The following WWOX variants were observed in gnomAD, a reference collection of about 807,000 sequenced individuals.
WWOX encodes WW domain containing oxidoreductase.
Under a neutral mutation model 46.2 loss-of-function variants are expected in WWOX, and 69 were observed. The ratio of observed to expected loss-of-function variants is 1.49; its 90% CI spans 1.23 to 1.82. The LOEUF (loss-of-function observed/expected upper bound fraction) is 1.82. Among genes scored for constraint, WWOX ranks in the 40% most tolerant of loss-of-function variants. The probability of loss-of-function intolerance (pLI) is 0.00; values close to 1 mark genes in which losing one functional copy is unlikely to be tolerated. For missense variants in WWOX, 919 were observed against 542.6 expected (o/e 1.69, Z -6.89); for synonymous variants, 359 against 202.6 (o/e 1.77, Z -6.56).
At chr16:78,214,253 G>A (rs1441372793) in intron 5 of WWOX, among the ~76,000 whole-genome samples, 1 of 152,102 alleles carries the variant, frequency 6.6e-6, no homozygotes, top group African/African-American at 2.4e-5. Context: ...CAGACCGAGG[G>A]GTCCTAGTTC....
chr16:79,153,373 C>T (rs982097514), intron 8 of WWOX, among the ~76,000 whole-genome samples: 1 of 152,170 alleles, frequency 6.6e-6, no homozygotes, highest in Non-Finnish European at 1.5e-5. Flanking sequence ...CCAAGCAGAG[C>T]CCTCCTCTGC....
At chr16:78,403,224 G>A (rs898899487) in intron 6 of WWOX, among the ~76,000 whole-genome samples, 4 of 152,158 alleles carry the variant, frequency 2.6e-5, no homozygotes, top group African/African-American at 9.7e-5. Context: ...TTTGTAAGTT[G>A]TAAGTTGTAA....
At chr16:78,222,404 C>G (rs2036918190) in intron 5 of WWOX, among the ~76,000 whole-genome samples, 1 of 151,708 alleles carries the variant, frequency 6.6e-6, no homozygotes, top group African/African-American at 2.4e-5. Flanking sequence ...TTGGGACAAC[C>G]TGTGCCCACA....
At chr16:79,085,699 C>T (rs1308167989) in intron 8 of WWOX, among the ~76,000 whole-genome samples, 2 of 151,992 alleles carry the variant, frequency 1.3e-5, no homozygotes, top group Non-Finnish European at 2.9e-5. Flanking sequence ...CATTTTATTC[C>T]TTACCAAAAC....
At chr16:78,622,321 T>C (rs368852024) in intron 8 of WWOX, among the ~76,000 whole-genome samples, 1 of 152,142 alleles carries the variant, frequency 6.6e-6, no homozygotes, top group South Asian at 2.1e-4. Flanking sequence ...GGCAGGCAGA[T>C]CACCTGAGGT....
intron 3 of WWOX, among the ~76,000 whole-genome samples, chr16:78,111,445 G>C (rs1347526435): frequency 6.6e-6 from 1 of 152,212 alleles, no homozygotes; most frequent in Admixed American, 6.5e-5. Flanking sequence ...ATTGTGAGAA[G>C]TGACCTAGAA....
chr16:79,044,399 G>A (rs891227511), intron 8 of WWOX, among the ~76,000 whole-genome samples: 2 of 152,138 alleles, frequency 1.3e-5, no homozygotes, highest in Non-Finnish European at 2.9e-5. Flanking sequence ...CTCATGAATG[G>A]TTTACCACCA....
chr16:78,148,608 G>A (rs2034288995), intron 4 of WWOX, among the ~76,000 whole-genome samples: 1 of 151,888 alleles, frequency 6.6e-6, no homozygotes, highest in Admixed American at 6.6e-5. Context: ...TTATAAAAGT[G>A]CCATGTTGGC....
chr16:78,682,573 A>G (rs954984935), intron 8 of WWOX, among the ~76,000 whole-genome samples: 11 of 152,074 alleles, frequency 7.2e-5, no homozygotes, highest in Non-Finnish European at 1.6e-4. Flanking sequence ...ATAGAGCGAG[A>G]CCCTGTCTCT....
At chr16:78,314,264 C>G (rs571419739) in intron 5 of WWOX, among the ~76,000 whole-genome samples, 2 of 151,496 alleles carry the variant, frequency 1.3e-5, no homozygotes, top group South Asian at 4.2e-4. Flanking sequence ...AAAAATTAGC[C>G]AGGCATGGTG....
chr16:78,168,545 G>A (rs2035050809), intron 5 of WWOX: 1 of 151,662 alleles, frequency 6.6e-6, no homozygotes, highest in Non-Finnish European at 1.5e-5. Context: ...CTCCTTGCTT[G>A]GTCCATCTGG....
At chr16:78,718,676 C>G (rs1340210218) in intron 8 of WWOX, among the ~76,000 whole-genome samples, 1 of 152,058 alleles carries the variant, frequency 6.6e-6, no homozygotes, top group Non-Finnish European at 1.5e-5. Flanking sequence ...CCACAGCACT[C>G]CAGCCTGGCC....
At chr16:78,647,970 C>A (rs1008762630) in intron 8 of WWOX, among the ~76,000 whole-genome samples, 1 of 152,116 alleles carries the variant, frequency 6.6e-6, no homozygotes, top group African/African-American at 2.4e-5. Flanking sequence ...GTGGGCTTTT[C>A]TTTCTCATTT....
intron 5 of WWOX, among the ~76,000 whole-genome samples, chr16:78,226,481 CT>C (rs1184557008): frequency 7.8e-6 from 1 of 127,766 alleles, no homozygotes; most frequent in East Asian, 2.3e-4. Flanking sequence ...CCTGTCCTGT[CT>C]TCCCTCCCTC....
chr16:78,411,905 C>T (rs562593603), intron 6 of WWOX, among the ~76,000 whole-genome samples: 2 of 152,190 alleles, frequency 1.3e-5, no homozygotes, highest in Non-Finnish European at 2.9e-5. Context: ...GAGAGGGAAG[C>T]AGGCTTTGGT....
In WWOX at chr16:78,243,694, G is replaced by T. The variant is rs184596146; in HGVS notation, c.516+79405G>T. On this transcript the variant is annotated intron_variant, in intron 5 of 8. Coordinates refer to ENST00000566780, the MANE Select transcript of WWOX (RefSeq NM_016373.4). ...CCGGAGTAGCTGGGACTACAGGTGT[G>T]CACCACCATGCCCGGCTAAGTTTTG... Among the ~76,000 whole-genome samples the T allele has an allele frequency of 9.7e-4, 147 of 152,232 alleles. 1 individual carries two copies. Among genetic ancestry groups the T allele is most frequent in the African/African-American group, 3.1e-3 (128 of 41,534 alleles).
rs1057025622 is a variant in WWOX, at chr16:78,478,647, G to C, written c.1056+45895G>C. ...AATTATTCCAGGCCACAAGGGTGCC[G>C]TTGAGTTACTGGTTCACTGCACTGG... On this transcript the variant is annotated intron_variant, in intron 8 of 8. Coordinates refer to ENST00000566780, the MANE Select transcript of WWOX (RefSeq NM_016373.4). Among the ~76,000 whole-genome samples the C allele has an allele frequency of 4.6e-5, 7 of 152,252 alleles. No individual in the cohort carries two copies. In the South Asian group the frequency reaches 6.2e-4, roughly 14 times the overall value.
At chr16:78,953,363 C>A (rs940362085) in intron 8 of WWOX, among the ~76,000 whole-genome samples, 2 of 152,142 alleles carry the variant, frequency 1.3e-5, no homozygotes, top group African/African-American at 4.8e-5. Context: ...GCTTTGCACA[C>A]TAATTGTATG....
intron 8 of WWOX, among the ~76,000 whole-genome samples, chr16:78,640,361 A>T (rs542601387): frequency 6.6e-6 from 1 of 150,778 alleles, no homozygotes; most frequent in Non-Finnish European, 1.5e-5. Context: ...GTGCCACTCA[A>T]GTCGGCCGCT....
Sources: gnomAD v4.1 joint callset for allele counts (sites outside exome capture counted in the v4.1 genomes callset) on GRCh38, gnomAD v4.1.1 for gene constraint, MANE v1.5 for transcripts, NCBI Gene and HGNC (gene_info 2026-07-23, HGNC 2026-07-21) for gene names.